The following CERS6 variants were observed in gnomAD, a reference collection of about 807,000 sequenced individuals.
CERS6 encodes the protein LAG1 homolog, ceramide synthase 6.
Under a neutral mutation model 56.8 loss-of-function variants are expected in CERS6, and 26 were observed. The observed-to-expected ratio is 0.46, with a 90% CI of 0.34 to 0.63. The LOEUF (loss-of-function observed/expected upper bound fraction) is 0.63, where lower values mean the gene tolerates loss of function less well. CERS6 is among the 30% of genes least tolerant of loss of function. The pLI, the probability that CERS6 is intolerant of heterozygous loss-of-function variation, is 0.01. For synonymous variants in CERS6, 164 were observed against 173.3 expected, an observed-to-expected ratio of 0.95 and a Z score of 0.42; for missense variants, 415 against 467.5, an observed-to-expected ratio of 0.89 and a Z score of 1.04.
At chr2:168,758,909 C>T (rs550489592) in intron 8 of CERS6, among the ~76,000 whole-genome samples, 1 of 152,006 alleles carries the variant, frequency 6.6e-6, no homozygotes. Context: ...TCGGTACGGC[C>T]TTAAGTATCT....
intron 3 of CERS6, among the ~76,000 whole-genome samples, chr2:168,573,896 G>A (rs1326076283): frequency 6.6e-6 from 1 of 152,162 alleles, no homozygotes; most frequent in Non-Finnish European, 1.5e-5. Context: ...AATTCTCAGT[G>A]TATGAGGAAT....
intron 1 of CERS6, among the ~76,000 whole-genome samples, chr2:168,522,151 G>C (rs745915130): frequency 1.3e-5 from 2 of 152,146 alleles, no homozygotes; most frequent in Non-Finnish European, 2.9e-5. Context: ...TAGTTTTATA[G>C]CATTGGTCTT....
chr2:168,688,864 A>G (rs961702583), intron 4 of CERS6, among the ~76,000 whole-genome samples: 1 of 152,168 alleles, frequency 6.6e-6, no homozygotes, highest in East Asian at 1.9e-4. Context: ...CGGGCATGCA[A>G]TGAAAGCAGA....
intron 2 of CERS6, among the ~76,000 whole-genome samples, chr2:168,559,953 G>A (rs1289121318): frequency 6.6e-6 from 1 of 151,574 alleles, no homozygotes; most frequent in Non-Finnish European, 1.5e-5. Context: ...TGTGATTGTT[G>A]GCTAGACATT....
At chr2:168,616,270 T>C (rs1430312310) in intron 3 of CERS6, among the ~76,000 whole-genome samples, 1 of 152,028 alleles carries the variant, frequency 6.6e-6, no homozygotes, top group Non-Finnish European at 1.5e-5. Context: ...AGAACCTCTT[T>C]AAAGCATAAA....
chr2:168,596,847 A>C (rs946937894), intron 3 of CERS6, among the ~76,000 whole-genome samples: 1 of 152,116 alleles, frequency 6.6e-6, no homozygotes, highest in African/African-American at 2.4e-5. Context: ...CCCTTTGTTG[A>C]TGCACAAAAT....
chr2:168,607,836 C>T (rs1253886824), intron 3 of CERS6, among the ~76,000 whole-genome samples: 1 of 152,182 alleles, frequency 6.6e-6, no homozygotes, highest in African/African-American at 2.4e-5. Flanking sequence ...TTACAAAATA[C>T]CCTCCCCATA....
At chr2:168,688,981 T>G (rs1197751350) in intron 4 of CERS6, among the ~76,000 whole-genome samples, 1 of 152,198 alleles carries the variant, frequency 6.6e-6, no homozygotes, top group Non-Finnish European at 1.5e-5. Flanking sequence ...CGGATTTTTC[T>G]GCATCATTTA....
rs1574010053 is a variant in CERS6 at position 168,479,310 on chromosome 2, A to G, written c.170+22692A>G. Reference sequence around the variant, plus strand: ...TCCATTTTATGTTTACTTGTTCAAAATGATAGGGTCATTGACATATTTTCA... The same window carrying G: ...TCCATTTTATGTTTACTTGTTCAAAGTGATAGGGTCATTGACATATTTTCA... On this transcript the variant is annotated intron_variant, in intron 1 of 9. Coordinates refer to ENST00000305747, the MANE Select transcript of CERS6 (RefSeq NM_203463.3). 2.0e-5 allele frequency among the ~76,000 whole-genome samples: 3 copies of G among 152,168 alleles called. No individual in the cohort carries two copies. The East Asian group carries it at 5.8e-4, about 29-fold the overall frequency.
intron 3 of CERS6, among the ~76,000 whole-genome samples, chr2:168,627,983 C>T (rs1684628594): frequency 6.6e-6 from 1 of 152,146 alleles, no homozygotes; most frequent in African/African-American, 2.4e-5. Context: ...AGACTCTGTG[C>T]AATGCTCCTT....
intron 8 of CERS6, 53 bp from the exon 9 acceptor site, chr2:168,765,539 T>C: frequency 1.3e-6 from 2 of 1,586,594 alleles, no homozygotes; most frequent in Middle Eastern, 1.7e-4. Context: ...TAGAGTTCCT[T>C]GGAAAGCAAA....
At chr2:168,744,575 A>G (rs12692885) in intron 8 of CERS6, among the ~76,000 whole-genome samples, 79,765 of 152,066 alleles carry the variant, frequency 0.52, 23,746 homozygotes, top group Non-Finnish European at 0.64. Context: ...TGAATTATCT[A>G]TGAGTTGGGA....
intron 8 of CERS6, among the ~76,000 whole-genome samples, chr2:168,743,170 ATGTGTGTG>A (rs992785174): frequency 6.7e-6 from 1 of 149,256 alleles, no homozygotes; most frequent in African/African-American, 2.5e-5. Context: ...ATATGTATGT[ATGTGTGTG>A]TGTATGTGTG....
intron 8 of CERS6, among the ~76,000 whole-genome samples, chr2:168,755,881 C>A (rs769560145): frequency 5.9e-5 from 9 of 152,224 alleles, no homozygotes; most frequent in Non-Finnish European, 1.0e-4. Context: ...GAAGCTAAAA[C>A]AATCTCACAA....
chr2:168,764,766 C>T (rs2105464924), intron 8 of CERS6, among the ~76,000 whole-genome samples: 1 of 152,180 alleles, frequency 6.6e-6, no homozygotes, highest in East Asian at 1.9e-4. Flanking sequence ...ATCATACAGG[C>T]CTTTTTACAA....
chr2:168,521,897 G>A (rs1317859437), intron 1 of CERS6, among the ~76,000 whole-genome samples: 1 of 152,222 alleles, frequency 6.6e-6, no homozygotes, highest in African/African-American at 2.4e-5. Context: ...GGAAATATAA[G>A]TTTATAATTT....
chr2:168,634,474 G>A (rs1364542780), intron 4 of CERS6, among the ~76,000 whole-genome samples: 1 of 152,112 alleles, frequency 6.6e-6, no homozygotes, highest in Non-Finnish European at 1.5e-5. Context: ...GTGTAGTGGT[G>A]CAATCTTGGC....
chr2:168,696,610 C>T (rs1553509733), intron 6 of CERS6, among the ~76,000 whole-genome samples: 1 of 152,142 alleles, frequency 6.6e-6, no homozygotes, highest in Non-Finnish European at 1.5e-5. Context: ...AGGTGAGGTG[C>T]CCCAGATCAA....
chr2:168,507,579 A>G (rs561790474), intron 1 of CERS6, among the ~76,000 whole-genome samples: 2 of 152,084 alleles, frequency 1.3e-5, no homozygotes, highest in Non-Finnish European at 2.9e-5. Flanking sequence ...AATCTGGATC[A>G]CCTGGTCATG....
Sources: allele counts gnomAD v4.1 joint callset (sites outside exome capture counted in the v4.1 genomes callset), GRCh38; gene constraint gnomAD v4.1.1; transcripts MANE v1.5; gene names NCBI Gene and HGNC (gene_info 2026-07-23, HGNC 2026-07-21).